Variants in FNIP2 observed in about 807,000 individuals in gnomAD.
FNIP2 encodes folliculin interacting protein 2.
In FNIP2, 32 loss-of-function variants were observed where a neutral mutation model predicts 108.7. The ratio of observed to expected loss-of-function variants is 0.29; its 90% confidence interval spans 0.22 to 0.40. FNIP2 has a LOEUF of 0.40. Among genes scored for constraint, FNIP2 ranks in the 10% least tolerant of loss-of-function variants. FNIP2 has a pLI of 1.00. For synonymous variants in FNIP2, 480 were observed against 496.7 expected (o/e 0.97, Z 0.45); for missense variants, 1,202 against 1,381.6 (o/e 0.87, Z 2.06).
At chr4:158,814,414 A>C (rs1777451809) in intron 1 of FNIP2, among the ~76,000 whole-genome samples, 1 of 152,206 alleles carries the variant, frequency 6.6e-6, no homozygotes, top group South Asian at 2.1e-4. Context: ...GAATTCTGTA[A>C]AAGTGTTTGG....
intron 6 of FNIP2, chr4:158,833,833 CA>C: frequency 1.3e-6 from 2 of 1,504,410 alleles, no homozygotes; most frequent in Non-Finnish European, 8.9e-7. Flanking sequence ...CAAACTGCTG[CA>C]GGGGGTAGCT....
intron 1 of FNIP2, among the ~76,000 whole-genome samples, chr4:158,814,513 C>G (rs968743870): frequency 1.3e-5 from 2 of 152,190 alleles, no homozygotes; most frequent in African/African-American, 4.8e-5. Flanking sequence ...AACACCAGAC[C>G]TTCTGGAATT....
At chr4:158,845,319 A>G (rs1436357073) in intron 7 of FNIP2, among the ~76,000 whole-genome samples, 1 of 152,230 alleles carries the variant, frequency 6.6e-6, no homozygotes, top group Non-Finnish European at 1.5e-5. Context: ...GCTAGCACTG[A>G]ACTCATGCAA....
chr4:158,825,971 T>A lies in FNIP2; in HGVS notation c.163T>A (p.Cys55Ser). 1 of 1,609,402 alleles carries A rather than the reference T, an allele frequency of 6.2e-7. No individual in the cohort carries two copies. Among genetic ancestry groups the A allele is most frequent in the African/African-American group, 1.3e-5 (1 of 75,010 alleles). ...NEIRLIVYQD[C>S]DRRGRQVLFD... ...GATTCGCCTGATAGTTTACCAGGAC[T>A]GTGACAGGAGAGGCAGACAAGTCTT... The change falls in exon 2 of 17, where the codon TGT becomes AGT. Residue 55 changes from cysteine to serine, a missense_variant. Physicochemically the swap from Cys to Ser is moderately radical, Grantham distance 112. This residue lies in a region of FNIP2 where 173 missense variants were observed against 165.9 expected (regional missense o/e 1.04). Transcript: ENST00000264433.
intron 14 of FNIP2, chr4:158,872,238 C>T: frequency 1.0e-6 from 1 of 985,406 alleles, no homozygotes; most frequent in Non-Finnish European, 1.2e-6. Flanking sequence ...ATTGATAACC[C>T]TCCTTGAACT....
intron 10 of FNIP2, 43 bp downstream of exon 10, chr4:158,859,709 G>T: frequency 1.4e-6 from 2 of 1,468,318 alleles, no homozygotes; most frequent in South Asian, 2.3e-5. Flanking sequence ...AGATGTTTAT[G>T]AGCAGCCATG....
At chr4:158,841,173 G>T (rs1560793322) in intron 7 of FNIP2, among the ~76,000 whole-genome samples, 1 of 152,132 alleles carries the variant, frequency 6.6e-6, no homozygotes, top group Non-Finnish European at 1.5e-5. Flanking sequence ...CAGGGTGGGG[G>T]CTTCTCAAGC....
intron 12 of FNIP2, among the ~76,000 whole-genome samples, chr4:158,867,742 A>G (rs1279552966): frequency 6.6e-6 from 1 of 152,224 alleles, no homozygotes; most frequent in Non-Finnish European, 1.5e-5. Flanking sequence ...TCTAGTTTCC[A>G]AGATATAGTA....
chr4:158,864,754 C>T (rs1780485501), intron 12 of FNIP2, among the ~76,000 whole-genome samples: 1 of 152,058 alleles, frequency 6.6e-6, no homozygotes, highest in African/African-American at 2.4e-5. Context: ...CCCTCTTCCT[C>T]CCTCTTTGTT....
chr4:158,895,901 A>G, intron 16 of FNIP2, 36 bp downstream of exon 16: 1 of 1,441,608 alleles, frequency 6.9e-7, no homozygotes. Context: ...TGTCCCTTTG[A>G]TAGGTATCCC....
intron 14 of FNIP2, among the ~76,000 whole-genome samples, chr4:158,882,907 A>G (rs1781767713): frequency 6.6e-6 from 1 of 152,078 alleles, no homozygotes; most frequent in African/African-American, 2.4e-5. Context: ...ACCTTTGTTC[A>G]CTTGTTTATC....
At chr4:158,880,452 G>A (rs890555079) in intron 14 of FNIP2, among the ~76,000 whole-genome samples, 6 of 152,152 alleles carry the variant, frequency 3.9e-5, no homozygotes, top group African/African-American at 1.2e-4. Flanking sequence ...GGAGTGGGGG[G>A]AGTGGGGAGG....
intron 12 of FNIP2, among the ~76,000 whole-genome samples, chr4:158,864,744 C>G (rs1476626026): frequency 6.6e-6 from 1 of 150,484 alleles, no homozygotes; most frequent in Admixed American, 6.6e-5. Flanking sequence ...CCTTTCTTCT[C>G]CCTCTTCCTC....
Position 158,868,095 on chromosome 4 carries a change from T to C in FNIP2, c.1466-7T>C. The C allele has an allele frequency of 6.2e-7, 1 of 1,612,188 alleles. No homozygotes were observed. Among genetic ancestry groups the C allele is most frequent in the Non-Finnish European group, 8.5e-7 (1 of 1,178,564 alleles). ...CCACTGCCTTTGTGTCCACCTTTGCTCTCTAGGTGATCTTTACGGAGCCAT... is the reference window on the plus strand; with the variant it reads ...CCACTGCCTTTGTGTCCACCTTTGCCCTCTAGGTGATCTTTACGGAGCCAT... On this transcript the variant is annotated splice_polypyrimidine_tract_variant and splice_region_variant and intron_variant, in intron 12 of 16. Transcript: ENST00000264433. This position sits in a 1 kb window ranked among gnomAD's most constrained non-coding sequence, Gnocchi z 4.6.
At chr4:158,829,736 G>GTA (rs1167418770) in intron 3 of FNIP2, among the ~76,000 whole-genome samples, 1 of 151,170 alleles carries the variant, frequency 6.6e-6, no homozygotes. Flanking sequence ...GTGTGTGTGT[G>GTA]TATAAGGATA....
At chr4:158,826,777 G>A (rs1387188232) in intron 2 of FNIP2, among the ~76,000 whole-genome samples, 1 of 152,120 alleles carries the variant, frequency 6.6e-6, no homozygotes, top group Non-Finnish European at 1.5e-5. Context: ...TATGATACCA[G>A]GGTACTTGTA....
chr4:158,875,403 T>A (rs1453932378), intron 14 of FNIP2, among the ~76,000 whole-genome samples: 1 of 151,544 alleles, frequency 6.6e-6, no homozygotes, highest in Non-Finnish European at 1.5e-5. Flanking sequence ...AAGTAACCAT[T>A]GGATACAGCA....
Position 158,868,061 on chromosome 4 carries a change from C to T in FNIP2, c.1466-41C>T, listed in dbSNP as rs1780684627. On this transcript the variant is annotated intron_variant, in intron 12 of 16. Transcript: ENST00000264433. This position sits in a 1 kb window ranked among gnomAD's most constrained non-coding sequence, Gnocchi z 4.6. ...GACGGATATATCTGTGACATGCTAA[C>T]CCCAGAGACCACTGCCTTTGTGTCC... 6.2e-7 allele frequency: 1 copy of T among 1,601,056 alleles called. No homozygotes were observed. Among genetic ancestry groups the T allele is most frequent in the Non-Finnish European group, 8.5e-7 (1 of 1,172,324 alleles).
chr4:158,786,296 TG>T (rs1237957042), intron 1 of FNIP2, among the ~76,000 whole-genome samples: 1 of 152,254 alleles, frequency 6.6e-6, no homozygotes, highest in Non-Finnish European at 1.5e-5. Context: ...GATCCAGTTC[TG>T]TGTCCAAGAT....
Sources: gnomAD v4.1 joint callset for allele counts (sites outside exome capture counted in the v4.1 genomes callset) on GRCh38, gnomAD v4.1.1 for gene constraint, gnomAD v4.1.1 regional missense constraint, Gnocchi (gnomAD v3.1) non-coding constraint, MANE v1.5 for transcripts, NCBI Gene and HGNC (gene_info 2026-07-23, HGNC 2026-07-21) for gene names.